UNC5A: variants seen among roughly 807,000 people sequenced by gnomAD.
UNC5A encodes unc-5 netrin receptor A.
Under a neutral mutation model 87.4 loss-of-function variants are expected in UNC5A, and 20 were observed. The ratio of observed to expected loss-of-function variants is 0.23; its 90% CI spans 0.16 to 0.33. The LOEUF (loss-of-function observed/expected upper bound fraction) is 0.33. Among genes scored for constraint, UNC5A ranks in the 10% least tolerant of loss-of-function variants. The pLI, the probability that UNC5A is intolerant of heterozygous loss-of-function variation, is 1.00. For missense variants in UNC5A, 844 were observed against 1,133.4 expected (o/e 0.74, Z 3.67); for synonymous variants, 438 against 482.3 (o/e 0.91, Z 1.20).
chr5:176,862,077 C>G (rs1209343691), intron 1 of UNC5A, among the ~76,000 whole-genome samples: 1 of 152,244 alleles, frequency 6.6e-6, no homozygotes, highest in East Asian at 1.9e-4. Context: ...CCAGGTATCT[C>G]AGATTCCCAG....
chr5:176,874,548 C>G lies in UNC5A; in HGVS notation c.1360C>G (p.Leu454Val). The G allele has an allele frequency of 6.4e-7, 1 of 1,569,788 alleles. No individual in the cohort carries two copies. The highest frequency in any genetic ancestry group is 1.2e-5 in the South Asian group (1 of 83,660). Reference protein sequence around the residue: ...YGTFNFLGGRLMIPNTGISLL... With the variant: ...YGTFNFLGGRVMIPNTGISLL... ...GACCTTCAACTTCCTCGGGGGCCGG[C>G]TGATGATCCCTAATACAGGTAGGAA... Residue 454 changes from leucine (L) to valine (V), a missense_variant, in exon 8 of 15, where the codon CTG (leucine) becomes GTG (valine). Leu to Val is a conservative substitution (Grantham distance 32). Coordinates refer to ENST00000329542, the MANE Select transcript of UNC5A (RefSeq NM_133369.3). This position sits in a 1 kb window ranked among gnomAD's most constrained non-coding sequence, Gnocchi z 7.6.
intron 1 of UNC5A, among the ~76,000 whole-genome samples, chr5:176,821,719 G>A (rs995998518): frequency 2.0e-5 from 3 of 152,216 alleles, no homozygotes; most frequent in South Asian, 2.1e-4. Flanking sequence ...GAGCCAGGAC[G>A]AGCTGGCCGC....
At chr5:176,850,178 G>A (rs528441180) in intron 1 of UNC5A, among the ~76,000 whole-genome samples, 5 of 152,338 alleles carry the variant, frequency 3.3e-5, no homozygotes, top group Admixed American at 1.3e-4. Flanking sequence ...GAGTGCATTG[G>A]TAGTAGGTGG....
At chr5:176,829,305 GATGGATGA>G (rs149682535) in intron 1 of UNC5A, among the ~76,000 whole-genome samples, 115,538 of 139,010 alleles carry the variant, frequency 0.83, 50,987 homozygotes, top group Non-Finnish European at 0.96. Context: ...TGGATGGGTG[GATGGATGA>G]ATGGATGTAT....
intron 10 of UNC5A, 93 bp from the exon 11 acceptor site, chr5:176,877,801 A>G: frequency 1.3e-6 from 2 of 1,500,314 alleles, no homozygotes; most frequent in Non-Finnish European, 1.8e-6. Flanking sequence ...CCGCACCCCC[A>G]CCCCTCCCCA....
Position 176,810,690 on chromosome 5 carries a change from A to G in UNC5A, c.-61A>G, listed in dbSNP as rs902143925. On this transcript the variant is annotated 5_prime_UTR_variant, in exon 1 of 15. An upstream open reading frame in the 5' UTR loses its in-frame stop. Coordinates refer to ENST00000329542, the MANE Select transcript of UNC5A (RefSeq NM_133369.3). The surrounding 1 kb of genome is among the most constrained non-coding windows in gnomAD (Gnocchi z 7.3). ...AGCTGGGGCTCCGGGCTGAGGCGCT[A>G]AAGCCGCCCTCCCGCCCGCGGGGCC... 1.0e-4 allele frequency: 68 copies of G among 667,782 alleles called. No homozygotes were observed. In the East Asian group the frequency reaches 4.6e-3, roughly 45 times the overall value. The allele number at this position is 667,782 out of a possible 1,614,324, so 41.4% of individuals were successfully genotyped here. A position where few individuals can be genotyped will look rare whatever the true frequency, so the allele number is the denominator to read the frequency against.
At chr5:176,852,661 C>A (rs1383110269) in intron 1 of UNC5A, among the ~76,000 whole-genome samples, 1 of 152,244 alleles carries the variant, frequency 6.6e-6, no homozygotes, top group Non-Finnish European at 1.5e-5. Context: ...GGCCCCTCAG[C>A]AGGAAGGGGC....
chr5:176,878,237 A>C lies in UNC5A; in HGVS notation c.1870-7A>C. On this transcript the variant is annotated splice_polypyrimidine_tract_variant and splice_region_variant and intron_variant, in intron 11 of 14. Coordinates refer to ENST00000329542, the MANE Select transcript of UNC5A (RefSeq NM_133369.3). ...GGGGCCTGGGCTGACCACCTGGGGC[A>C]CTGCAGGAGGTGGTGCAGCTGGAGA... is the stretch of plus-strand genomic sequence containing the variant. 1.9e-6 allele frequency: 3 copies of C among 1,610,182 alleles called. No homozygotes were observed. Among genetic ancestry groups the C allele is most frequent in the Non-Finnish European group, 2.5e-6 (3 of 1,179,072 alleles).
At chr5:176,853,052 G>A (rs370677366) in intron 1 of UNC5A, among the ~76,000 whole-genome samples, 15 of 152,360 alleles carry the variant, frequency 9.8e-5, no homozygotes, top group African/African-American at 3.6e-4. Context: ...CAGTGACTCC[G>A]CGGGAGCAGA....
At chr5:176,839,849 C>T (rs750956209) in intron 1 of UNC5A, among the ~76,000 whole-genome samples, 51 of 136,246 alleles carry the variant, frequency 3.7e-4, no homozygotes, top group Non-Finnish European at 6.1e-4. Context: ...CAGAGTCTCA[C>T]TCTGTCGCCC....
intron 1 of UNC5A, among the ~76,000 whole-genome samples, chr5:176,828,392 A>G (rs1208353345): frequency 6.7e-6 from 1 of 149,898 alleles, no homozygotes; most frequent in African/African-American, 2.5e-5. Context: ...GGGAGTCACC[A>G]CTCCACACCC....
At position 176,866,275 on chromosome 5, in the gene UNC5A, GC is replaced by G. The variant is rs955160646; in HGVS notation, c.293-1850del. On this transcript the variant is annotated intron_variant, in intron 2 of 14. Transcript: ENST00000329542. The surrounding 1 kb of genome is among the most constrained non-coding windows in gnomAD (Gnocchi z 5.0). ...AAGATGGGGTAGGGCCGGGTCTGCA[GC>G]CCCCGCCTCAGGCACTGCCCTCCAG... Among the ~76,000 whole-genome samples the G allele has an allele frequency of 6.6e-6, 1 of 152,174 alleles. No homozygotes were observed.
intron 1 of UNC5A, among the ~76,000 whole-genome samples, chr5:176,839,167 C>A (rs1470251201): frequency 6.6e-6 from 1 of 152,230 alleles, no homozygotes; most frequent in African/African-American, 2.4e-5. Context: ...CTCCCTTACC[C>A]CACTCCTGTC....
At chr5:176,840,371 G>T (rs1013540368) in intron 1 of UNC5A, among the ~76,000 whole-genome samples, 2 of 152,176 alleles carry the variant, frequency 1.3e-5, no homozygotes, top group African/African-American at 4.8e-5. Context: ...GTGAGTCGGG[G>T]GAGGGGCTGG....
intron 1 of UNC5A, among the ~76,000 whole-genome samples, chr5:176,860,086 G>A (rs1757796728): frequency 6.6e-6 from 1 of 152,156 alleles, no homozygotes; most frequent in African/African-American, 2.4e-5. Flanking sequence ...CCCCCTCCCT[G>A]CCCCCACACG....
At chr5:176,863,586 A>G (rs1757893980) in intron 2 of UNC5A, among the ~76,000 whole-genome samples, 1 of 151,912 alleles carries the variant, frequency 6.6e-6, no homozygotes, top group Non-Finnish European at 1.5e-5. Flanking sequence ...GAGACACCAC[A>G]TTCCCCACCC....
At position 176,868,508 on chromosome 5, in the gene UNC5A, G is replaced by C. The variant is rs112603236; in HGVS notation, c.437-53G>C. 5 of 1,544,714 alleles carry C rather than the reference G, an allele frequency of 3.2e-6. No individual in the cohort carries two copies. In the South Asian group the frequency reaches 4.7e-5, roughly 15 times the overall value. On this transcript the variant is annotated intron_variant, in intron 3 of 14. Coordinates refer to ENST00000329542, the MANE Select transcript of UNC5A (RefSeq NM_133369.3). ...CAGGACAAGGGACACAGCCAGCCAGGCTGAGCCTGTGCGAGGCCCTCAGAC... is the reference window on the plus strand; with the variant it reads ...CAGGACAAGGGACACAGCCAGCCAGCCTGAGCCTGTGCGAGGCCCTCAGAC...
At chr5:176,814,901 A>G (rs550082840) in intron 1 of UNC5A, among the ~76,000 whole-genome samples, 1 of 152,208 alleles carries the variant, frequency 6.6e-6, no homozygotes, top group African/African-American at 2.4e-5. Context: ...CCTCTCAGCA[A>G]CCATCCCATC....
chr5:176,869,366 G>A lies in UNC5A; in HGVS notation c.721+402G>A, dbSNP rs1413000285. ...AGGCTGGGGTCTGGGCTGCAGGAGT[G>A]TGTGAGCCGCGGTTCAGCCTGGCTA... is the stretch of plus-strand genomic sequence containing the variant. On this transcript the variant is annotated intron_variant, in intron 5 of 14. Coordinates refer to ENST00000329542, the MANE Select transcript of UNC5A (RefSeq NM_133369.3). This position sits in a 1 kb window ranked among gnomAD's most constrained non-coding sequence, Gnocchi z 9.1. Among the ~76,000 whole-genome samples, 1 of 152,146 alleles carries A rather than the reference G, an allele frequency of 6.6e-6. No homozygotes were observed. Among genetic ancestry groups the A allele is most frequent in the Non-Finnish European group, 1.5e-5 (1 of 67,988 alleles).
Sources: allele counts gnomAD v4.1 joint callset (sites outside exome capture counted in the v4.1 genomes callset), GRCh38; gene constraint gnomAD v4.1.1; non-coding constraint Gnocchi (gnomAD v3.1); transcripts MANE v1.5; gene names NCBI Gene and HGNC (gene_info 2026-07-23, HGNC 2026-07-21).